DMD: variants seen among roughly 807,000 people sequenced by gnomAD.
DMD encodes mutant dystrophin.
A neutral mutation model predicts 330.1 loss-of-function variants in DMD; 63 were observed. That is an observed-to-expected ratio of 0.19 (90% confidence interval 0.16 to 0.24). The LOEUF is 0.24. DMD is among the 10% of genes least tolerant of loss of function. The pLI, the probability that DMD is intolerant of heterozygous loss-of-function variation, is 1.00. For synonymous variants in DMD, 1,223 were observed against 959.8 expected (o/e 1.27, Z -5.07); for missense variants, 3,344 against 2,684.1 (o/e 1.25, Z -5.43).
chrX:31,889,601 T>A (rs1352096056), intron 47 of DMD, among the ~76,000 whole-genome samples: 1 of 105,784 alleles, frequency 9.5e-6, no homozygotes, highest in Non-Finnish European at 1.9e-5. Flanking sequence ...AAGTTAAATG[T>A]AATTTAATCT....
chrX:32,741,426 T>C (rs187311335), intron 7 of DMD, among the ~76,000 whole-genome samples: 2 of 111,694 alleles, frequency 1.8e-5, no homozygotes, highest in Admixed American at 1.9e-4. Context: ...TTTCTCCCCC[T>C]TTTTAAACAC....
At chrX:31,971,445 A>G (rs2095398933) in intron 44 of DMD, among the ~76,000 whole-genome samples, 1 of 111,136 alleles carries the variant, frequency 9.0e-6, no homozygotes, top group Non-Finnish European at 1.9e-5. Context: ...AAATTGTTAG[A>G]TCTAAATCTC....
rs114688052 is a variant in DMD, at chrX:33,114,089, G to A, written c.32-93889C>T. 3.3e-3 allele frequency among the ~76,000 whole-genome samples: 358 copies of A among 108,125 alleles called. 1 individual carries two copies. Among genetic ancestry groups the A allele is most frequent in the African/African-American group, 0.011 (337 of 29,649 alleles). The allele number at this position is 108,125 out of a possible 115,157, so 93.9% of individuals were successfully genotyped here. A position where few individuals can be genotyped will look rare whatever the true frequency, so the allele number is the denominator to read the frequency against. On this transcript the variant is annotated intron_variant, in intron 1 of 78. Coordinates refer to ENST00000357033, the MANE Select transcript of DMD (RefSeq NM_004006.3). ...TCAATCTGGTATTATTGTGTAATTC[G>A]AATATATGGCAATATTATTATTATT...
intron 29 of DMD, among the ~76,000 whole-genome samples, chrX:32,432,354 C>A (rs16990371): frequency 0.2 from 21,888 of 111,148 alleles, 2,007 homozygotes; most frequent in African/African-American, 0.35. Context: ...TTATCTCCAC[C>A]ATACAAATGT....
chrX:31,257,682 C>T (rs765497374), intron 63 of DMD, among the ~76,000 whole-genome samples: 2 of 112,247 alleles, frequency 1.8e-5, no homozygotes, highest in Non-Finnish European at 3.8e-5. Context: ...CTGTGGCTTA[C>T]GCTTGTAATC....
intron 60 of DMD, among the ~76,000 whole-genome samples, chrX:31,424,939 C>A (rs775447051): frequency 6.3e-5 from 7 of 111,811 alleles, no homozygotes; most frequent in Non-Finnish European, 1.3e-4. Flanking sequence ...AGTTGTGAGT[C>A]TGTTAAAAGA....
chrX:31,609,583 G>A (rs924886113), intron 55 of DMD, among the ~76,000 whole-genome samples: 1 of 111,468 alleles, frequency 9.0e-6, no homozygotes, highest in African/African-American at 3.3e-5. Flanking sequence ...TTCTCATCTC[G>A]TCTTTCAAAT....
intron 1 of DMD, among the ~76,000 whole-genome samples, chrX:33,073,705 G>A (rs1302695162): frequency 9.1e-6 from 1 of 110,068 alleles, no homozygotes; most frequent in Admixed American, 9.8e-5. Flanking sequence ...GGTGGCGGGT[G>A]CCCGTAATCC....
At chrX:31,547,484 C>T (rs1426323905) in intron 55 of DMD, among the ~76,000 whole-genome samples, 3 of 112,003 alleles carry the variant, frequency 2.7e-5, no homozygotes, top group Non-Finnish European at 5.6e-5. Context: ...ATTAATATAT[C>T]TTCGGGGAAA....
intron 1 of DMD, among the ~76,000 whole-genome samples, chrX:33,294,868 C>T (rs1288634591): frequency 9.0e-6 from 1 of 110,762 alleles, no homozygotes; most frequent in Non-Finnish European, 1.9e-5. Context: ...ATTTCAAAGT[C>T]ACACACAAAA....
At chrX:31,709,227 A>G (rs2084424075) in intron 52 of DMD, among the ~76,000 whole-genome samples, 1 of 111,733 alleles carries the variant, frequency 8.9e-6, no homozygotes, top group Non-Finnish European at 1.9e-5. Flanking sequence ...GCCGAGATTG[A>G]GCCACTACAC....
chrX:32,687,897 C>T (rs766708472), intron 9 of DMD, among the ~76,000 whole-genome samples: 154 of 111,225 alleles, frequency 1.4e-3, no homozygotes, highest in African/African-American at 4.9e-3. Context: ...CTGAGTCACA[C>T]AACTAAGGTC....
intron 53 of DMD, among the ~76,000 whole-genome samples, chrX:31,661,161 T>C (rs2081101255): frequency 8.9e-6 from 1 of 111,781 alleles, no homozygotes; most frequent in Non-Finnish European, 1.9e-5. Context: ...GCGTGCCATA[T>C]ATTTTTCTGC....
chrX:31,234,751 A>G (rs747444377), intron 63 of DMD, among the ~76,000 whole-genome samples: 1 of 112,194 alleles, frequency 8.9e-6, no homozygotes, highest in Non-Finnish European at 1.9e-5. Flanking sequence ...GAAAAACCAG[A>G]GATGGACGGT....
At chrX:32,972,458 G>T (rs2092416792) in intron 2 of DMD, among the ~76,000 whole-genome samples, 1 of 111,706 alleles carries the variant, frequency 9.0e-6, no homozygotes, top group Admixed American at 9.5e-5. Context: ...GGGATTACAG[G>T]CATGAGCCAC....
intron 44 of DMD, among the ~76,000 whole-genome samples, chrX:32,050,987 TCC>T (rs35739910): frequency 7.1e-5 from 7 of 99,233 alleles, no homozygotes; most frequent in East Asian, 3.3e-4. Flanking sequence ...TTTTTTTTTT[TCC>T]CCCTAATAGA....
At chrX:32,065,034 A>T (rs781041946) in intron 44 of DMD, among the ~76,000 whole-genome samples, 7 of 111,561 alleles carry the variant, frequency 6.3e-5, no homozygotes, top group Non-Finnish European at 1.1e-4. Context: ...ACCAATGATA[A>T]AAGAGAAAAG....
At chrX:32,311,067 A>C (rs1421612907) in intron 41 of DMD, among the ~76,000 whole-genome samples, 3 of 110,615 alleles carry the variant, frequency 2.7e-5, no homozygotes, top group Non-Finnish European at 3.8e-5. Context: ...ATTCTTTATA[A>C]GAGCAAAAAA....
chrX:33,160,303 C>T (rs1468609494), intron 1 of DMD, among the ~76,000 whole-genome samples: 1 of 111,294 alleles, frequency 9.0e-6, no homozygotes, highest in Non-Finnish European at 1.9e-5. Flanking sequence ...ATCAGCAACG[C>T]GTTTAGGAAA....
Sources: gnomAD v4.1 joint callset for allele counts (sites outside exome capture counted in the v4.1 genomes callset) on GRCh38, gnomAD v4.1.1 for gene constraint, MANE v1.5 for transcripts, NCBI Gene and HGNC (gene_info 2026-07-23, HGNC 2026-07-21) for gene names.